The following DNMBP variants were observed in gnomAD, a reference collection of about 807,000 sequenced individuals.
DNMBP encodes the protein dynamin-binding protein.
In DNMBP, 87 loss-of-function variants were observed where a neutral mutation model predicts 150.0. The ratio of observed to expected loss-of-function variants is 0.58; its 90% CI spans 0.49 to 0.69. The LOEUF (loss-of-function observed/expected upper bound fraction) is 0.69, where lower values mean the gene tolerates loss of function less well. DNMBP is among the 30% of genes least tolerant of loss of function. The pLI, the probability that DNMBP is intolerant of heterozygous loss-of-function variation, is 0.00. For missense variants in DNMBP, 1,774 were observed against 1,949.0 expected, an observed-to-expected ratio of 0.91 and a Z score of 1.69; for synonymous variants, 711 against 750.4, an observed-to-expected ratio of 0.95 and a Z score of 0.86.
At chr10:99,900,334 CAGT>C (rs1435796560) in intron 6 of DNMBP, among the ~76,000 whole-genome samples, 1 of 152,144 alleles carries the variant, frequency 6.6e-6, no homozygotes, top group African/African-American at 2.4e-5. Flanking sequence ...GGCTGGAGTG[CAGT>C]GGCACAATCT....
intron 1 of DNMBP, among the ~76,000 whole-genome samples, chr10:99,976,066 C>T (rs1006630310): frequency 3.3e-5 from 5 of 152,120 alleles, no homozygotes; most frequent in African/African-American, 1.2e-4. Flanking sequence ...CTGTCTGTCT[C>T]CAAAGCCTTA....
intron 7 of DNMBP, among the ~76,000 whole-genome samples, chr10:99,899,504 A>C (rs1407109768): frequency 6.6e-6 from 1 of 151,502 alleles, no homozygotes; most frequent in Non-Finnish European, 1.5e-5. Flanking sequence ...TGGGAGCCTA[A>C]GGCGGGAGAA....
In DNMBP at chr10:99,955,400, G is replaced by T; in HGVS notation, c.2074C>A (p.Pro692Thr). Residue 692 changes from proline (P) to threonine (T), a missense_variant, in exon 4 of 17, where the codon CCC becomes ACC. By Grantham distance (38) the Pro-to-Thr change is conservative (BLOSUM62 -1). This residue lies in a region of DNMBP where 1,430 missense variants were observed against 1,492.5 expected (regional missense o/e 0.96). Coordinates refer to ENST00000324109, the MANE Select transcript of DNMBP (RefSeq NM_015221.4). ...GRSLDQTSPC[P>T]LVLVRIEEME... ...TCCTCAATCCTCACCAGCACTAAGG[G>T]GCATGGGGAGGTCTGGTCCAGACTC... 6.2e-7 allele frequency: 1 copy of T among 1,614,124 alleles called. No individual in the cohort carries two copies. Among genetic ancestry groups the T allele is most frequent in the Non-Finnish European group, 8.5e-7 (1 of 1,180,014 alleles).
intron 10 of DNMBP, 106 bp downstream of exon 10, chr10:99,896,161 G>A: frequency 7.6e-7 from 1 of 1,316,276 alleles, no homozygotes; most frequent in Non-Finnish European, 1.0e-6. Context: ...AAAACCGGAG[G>A]ACGTCTGAGG....
intron 6 of DNMBP, among the ~76,000 whole-genome samples, chr10:99,900,525 G>T (rs1289975160): frequency 6.6e-6 from 1 of 152,080 alleles, no homozygotes; most frequent in Non-Finnish European, 1.5e-5. Flanking sequence ...AATGTGACTG[G>T]CCTCTGAAAC....
intron 3 of DNMBP, among the ~76,000 whole-genome samples, chr10:99,964,289 G>C (rs537175568): frequency 1.3e-5 from 2 of 151,472 alleles, no homozygotes; most frequent in Non-Finnish European, 3.0e-5. Context: ...GATTACAGGT[G>C]CCTGCCACCA....
rs775683097 is a variant in DNMBP at position 99,888,863 on chromosome 10, C to T, written c.3247G>A (p.Val1083Met). The T allele has an allele frequency of 5.0e-6, 8 of 1,614,150 alleles. No homozygotes were observed. The highest frequency in any genetic ancestry group is 3.3e-5 in the Admixed American group (2 of 60,022). Reference protein sequence around the residue: ...GHRDLEQFERVHRYISDQLFT... With the variant: ...GHRDLEQFERMHRYISDQLFT... The stretch of plus-strand genomic sequence containing the variant: ...AGCTGGTCACTGATGTAGCGATGCA[C>T]CCTCTCAAACTGCTCCAGGTCCCGG... Residue 1083 changes from valine to methionine, a missense_variant, in exon 12 of 17, where the codon GTG (valine) becomes ATG (methionine). Transcript: ENST00000324109.
chr10:99,975,592 AG>A (rs1238153287), intron 1 of DNMBP, among the ~76,000 whole-genome samples: 2 of 152,182 alleles, frequency 1.3e-5, no homozygotes, highest in Non-Finnish European at 2.9e-5. Flanking sequence ...GGAAAAGAGA[AG>A]TGGTAAGTGG....
At chr10:99,938,741 T>C (rs1346510361) in intron 4 of DNMBP, among the ~76,000 whole-genome samples, 2 of 152,192 alleles carry the variant, frequency 1.3e-5, no homozygotes, top group African/African-American at 2.4e-5. Context: ...TGTGAATGGG[T>C]TGCCATTTTT....
Position 99,972,117 on chromosome 10 carries a change from G to A in DNMBP, c.8C>T (p.Ala3Val), listed in dbSNP as rs999637164. 2.5e-6 allele frequency: 4 copies of A among 1,611,934 alleles called. No individual in the cohort carries two copies. Among genetic ancestry groups the A allele is most frequent in the South Asian group, 1.1e-5 (1 of 90,682 alleles). Residue 3 changes from alanine (A) to valine (V), a missense_variant, in exon 2 of 17, where the codon GCT becomes GTT. Physicochemically the swap from Ala to Val is moderately conservative, Grantham distance 64. Coordinates refer to ENST00000324109, the MANE Select transcript of DNMBP (RefSeq NM_015221.4). MEAGSVVRAIFDF... is the reference protein window; with the variant it reads MEVGSVVRAIFDF... ...AAAAATGGCTCGAACCACTGAGCCA[G>A]CCTCCATGTTTTATAACCTGGAAAG...
In DNMBP at chr10:99,898,218, G is replaced by C. The variant is rs1230903866; in HGVS notation, c.2788C>G (p.Pro930Ala). The stretch of plus-strand genomic sequence containing the variant: ...TTCAGCAACTCCATTAGCAACAGCG[G>C]GTAACGCATTACTCTCTGTACTGGT... ...IKPVQRVMRY[P>A]LLLMELLNST... Residue 930 changes from proline (P) to alanine (A), a missense_variant, in exon 9 of 17, where the codon CCG becomes GCG. This residue lies in a region of DNMBP where 1,430 missense variants were observed against 1,492.5 expected (regional missense o/e 0.96). Transcript: ENST00000324109. 3 of 1,613,878 alleles carry C rather than the reference G, an allele frequency of 1.9e-6. No individual in the cohort carries two copies. The highest frequency in any genetic ancestry group is 2.7e-5 in the African/African-American group (2 of 74,880).
chr10:99,899,359 T>C (rs1308616552), intron 7 of DNMBP, among the ~76,000 whole-genome samples: 1 of 152,096 alleles, frequency 6.6e-6, no homozygotes. Context: ...CCCAGCACTT[T>C]GGGAGGCCGA....
At chr10:99,950,172 T>C (rs1036394947) in intron 4 of DNMBP, among the ~76,000 whole-genome samples, 3 of 152,200 alleles carry the variant, frequency 2.0e-5, no homozygotes, top group African/African-American at 7.2e-5. Context: ...AACGGGAGTC[T>C]TCCCGCACAA....
intron 1 of DNMBP, among the ~76,000 whole-genome samples, chr10:99,998,251 A>C (rs1280684655): frequency 1.3e-5 from 2 of 151,196 alleles, no homozygotes; most frequent in African/African-American, 4.9e-5. Flanking sequence ...AAAAAAGGAA[A>C]ACCATAAATT....
chr10:99,998,050 A>C (rs929190461), intron 1 of DNMBP, among the ~76,000 whole-genome samples: 1 of 151,536 alleles, frequency 6.6e-6, no homozygotes. Context: ...CCTGGCTAAC[A>C]CAGTGAAACC....
At chr10:99,965,049 C>T (rs1361387438) in intron 3 of DNMBP, among the ~76,000 whole-genome samples, 2 of 152,086 alleles carry the variant, frequency 1.3e-5, no homozygotes, top group East Asian at 3.8e-4. Context: ...ACTTCACAGA[C>T]TTATCCCAGA....
At chr10:99,927,570 TAC>T (rs757119156) in intron 4 of DNMBP, among the ~76,000 whole-genome samples, 7 of 152,292 alleles carry the variant, frequency 4.6e-5, no homozygotes, top group South Asian at 4.2e-4. Context: ...TTTGTGTAAT[TAC>T]ACAGTGTTCC....
chr10:99,948,378 T>C (rs996837641), intron 4 of DNMBP, among the ~76,000 whole-genome samples: 1 of 152,210 alleles, frequency 6.6e-6, no homozygotes, highest in African/African-American at 2.4e-5. Flanking sequence ...TTCCAACTTC[T>C]TACTCCTGAA....
chr10:99,964,369 G>A (rs1452176156), intron 3 of DNMBP, among the ~76,000 whole-genome samples: 1 of 151,338 alleles, frequency 6.6e-6, no homozygotes, highest in Non-Finnish European at 1.5e-5. Context: ...TGATCCACCC[G>A]CCTCAGCCTC....
Sources: allele counts gnomAD v4.1 joint callset (sites outside exome capture counted in the v4.1 genomes callset), GRCh38; gene constraint gnomAD v4.1.1; regional missense constraint gnomAD v4.1.1; transcripts MANE v1.5; gene names NCBI Gene and HGNC (gene_info 2026-07-23, HGNC 2026-07-21).